DCC: variants seen among roughly 807,000 people sequenced by gnomAD.
The protein encoded by DCC is netrin receptor DCC.
In DCC, 58 loss-of-function variants were observed where a neutral mutation model predicts 172.5. The ratio of observed to expected loss-of-function variants is 0.34; its 90% CI spans 0.27 to 0.42. DCC has a LOEUF of 0.42. Ranked by LOEUF, DCC falls within the 10% of genes least tolerant of loss-of-function variation. The probability of loss-of-function intolerance (pLI) is 1.00; values close to 1 mark genes in which losing one functional copy is unlikely to be tolerated. For synonymous variants in DCC, 709 were observed against 644.5 expected, an observed-to-expected ratio of 1.10 and a Z score of -1.52; for missense variants, 1,740 against 1,791.0, an observed-to-expected ratio of 0.97 and a Z score of 0.51.
intron 13 of DCC, among the ~76,000 whole-genome samples, chr18:53,320,839 C>T (rs1259769738): frequency 6.6e-6 from 1 of 152,042 alleles, no homozygotes; most frequent in East Asian, 1.9e-4. Context: ...GATAAGAGCA[C>T]CAATGATAGT....
At chr18:52,906,357 A>G (rs924705413) in intron 3 of DCC, 29 bp downstream of exon 3, 1 of 1,610,644 alleles carries the variant, frequency 6.2e-7, no homozygotes, top group African/African-American at 1.3e-5. Flanking sequence ...TTGCCTTCAG[A>G]ATGATATTCT....
intron 1 of DCC, among the ~76,000 whole-genome samples, chr18:52,426,611 C>A (rs757100128): frequency 2.0e-5 from 3 of 151,568 alleles, no homozygotes; most frequent in African/African-American, 7.3e-5. Flanking sequence ...GTTTAATAGG[C>A]CTGATATTGC....
At chr18:53,280,805 A>T (rs2056861512) in intron 12 of DCC, among the ~76,000 whole-genome samples, 1 of 152,156 alleles carries the variant, frequency 6.6e-6, no homozygotes, top group African/African-American at 2.4e-5. Flanking sequence ...AGGTTGGACT[A>T]GATGAGGAAT....
intron 2 of DCC, among the ~76,000 whole-genome samples, chr18:52,782,533 C>T (rs1035754086): frequency 6.6e-6 from 1 of 150,656 alleles, no homozygotes; most frequent in Non-Finnish European, 1.5e-5. Flanking sequence ...TAAACTCTGC[C>T]TCTATCCTAA....
intron 1 of DCC, among the ~76,000 whole-genome samples, chr18:52,571,985 T>C (rs1281781505): frequency 6.6e-6 from 1 of 152,152 alleles, no homozygotes; most frequent in East Asian, 1.9e-4. Flanking sequence ...AACATATATA[T>C]GGACATAGAA....
chr18:53,107,089 C>T (rs1424783369), intron 7 of DCC, among the ~76,000 whole-genome samples: 1 of 151,826 alleles, frequency 6.6e-6, no homozygotes, highest in Admixed American at 6.6e-5. Context: ...TAACCATAAA[C>T]ATCCTCTAAG....
intron 1 of DCC, among the ~76,000 whole-genome samples, chr18:52,398,959 G>T (rs1023635198): frequency 6.6e-6 from 1 of 151,700 alleles, no homozygotes. Flanking sequence ...AAAACCTATG[G>T]AAATAAATAA....
chr18:53,271,497 T>C (rs1224245300), intron 12 of DCC, among the ~76,000 whole-genome samples: 2 of 152,174 alleles, frequency 1.3e-5, no homozygotes, highest in Non-Finnish European at 2.9e-5. Flanking sequence ...CAAGTTTGAC[T>C]GGGGAAGGTC....
At chr18:53,309,018 G>T (rs1212427096) in intron 13 of DCC, among the ~76,000 whole-genome samples, 2 of 151,868 alleles carry the variant, frequency 1.3e-5, no homozygotes, top group Non-Finnish European at 2.9e-5. Flanking sequence ...TCCTCTCTGT[G>T]TTCTCTCCTC....
chr18:52,634,885 G>A (rs1229107159), intron 1 of DCC, among the ~76,000 whole-genome samples: 2 of 152,056 alleles, frequency 1.3e-5, no homozygotes, highest in African/African-American at 4.8e-5. Flanking sequence ...CTATACCATA[G>A]TAAAATTATC....
intron 5 of DCC, among the ~76,000 whole-genome samples, chr18:53,056,406 C>G (rs1457924542): frequency 6.6e-6 from 1 of 152,140 alleles, no homozygotes. Context: ...AGCTAAACCA[C>G]ACCAATATGT....
intron 8 of DCC, among the ~76,000 whole-genome samples, chr18:53,160,440 A>T (rs1298101141): frequency 6.6e-6 from 1 of 152,186 alleles, no homozygotes; most frequent in East Asian, 1.9e-4. Flanking sequence ...TGGCCAGTAA[A>T]CACAGCAATT....
intron 1 of DCC, among the ~76,000 whole-genome samples, chr18:52,467,183 C>G (rs1736524913): frequency 6.6e-6 from 1 of 152,036 alleles, no homozygotes. Flanking sequence ...TCTCCTAATG[C>G]TATCCCTCCC....
chr18:52,593,020 C>A (rs1396838798), intron 1 of DCC, among the ~76,000 whole-genome samples: 1 of 152,128 alleles, frequency 6.6e-6, no homozygotes, highest in Admixed American at 6.5e-5. Flanking sequence ...TTTGTCATAT[C>A]TAGGATTGGC....
intron 2 of DCC, among the ~76,000 whole-genome samples, chr18:52,829,174 AAACAT>A (rs2038566400): frequency 6.6e-6 from 1 of 152,222 alleles, no homozygotes; most frequent in Non-Finnish European, 1.5e-5. Context: ...AGAAGCCCAG[AAACAT>A]AACATTACAT....
Position 53,233,268 on chromosome 18 carries a change from G to T in DCC, c.1911+17671G>T, listed in dbSNP as rs909795180. Among the ~76,000 whole-genome samples, 5 of 152,238 alleles carry T rather than the reference G, an allele frequency of 3.3e-5. 1 individual carries two copies. Among genetic ancestry groups the T allele is most frequent in the South Asian group, 4.1e-4 (2 of 4,824 alleles). ...TACCAGTTATTAATCCAATTCACCT[G>T]TAGTGTCCTCCCTATTTCTTCATGT... On this transcript the variant is annotated intron_variant, in intron 12 of 28. Coordinates refer to ENST00000442544, the MANE Select transcript of DCC (RefSeq NM_005215.4).
chr18:52,492,405 C>T (rs2030547578), intron 1 of DCC, among the ~76,000 whole-genome samples: 1 of 151,786 alleles, frequency 6.6e-6, no homozygotes, highest in East Asian at 1.9e-4. Flanking sequence ...GATAAGATCA[C>T]TAAAGGAACA....
intron 1 of DCC, among the ~76,000 whole-genome samples, chr18:52,727,956 A>G (rs896361426): frequency 1.3e-5 from 2 of 152,226 alleles, no homozygotes; most frequent in East Asian, 1.9e-4. Context: ...TGCATTTGCA[A>G]TGAATTAGCT....
intron 5 of DCC, among the ~76,000 whole-genome samples, chr18:52,970,086 T>A (rs1056286562): frequency 6.6e-6 from 1 of 152,138 alleles, no homozygotes; most frequent in African/African-American, 2.4e-5. Context: ...ATGTCATACA[T>A]AGAAATATTT....
Sources: gnomAD v4.1 joint callset for allele counts (sites outside exome capture counted in the v4.1 genomes callset) on GRCh38, gnomAD v4.1.1 for gene constraint, MANE v1.5 for transcripts, NCBI Gene and HGNC (gene_info 2026-07-23, HGNC 2026-07-21) for gene names.